NOP53: variants seen among roughly 807,000 people sequenced by gnomAD.
NOP53 encodes the protein ribosome biogenesis protein NOP53.
Under a neutral mutation model 61.0 loss-of-function variants are expected in NOP53, and 40 were observed. The observed-to-expected ratio is 0.66, with a 90% CI of 0.51 to 0.85. The LOEUF is 0.85. Among genes scored for constraint, NOP53 ranks in the 40% least tolerant of loss-of-function variants. NOP53 has a pLI of 0.00. For missense variants in NOP53, 689 were observed against 652.9 expected, an observed-to-expected ratio of 1.06 and a Z score of -0.60; for synonymous variants, 308 against 289.5, an observed-to-expected ratio of 1.06 and a Z score of -0.65.
chr19:47,754,735 G>A lies in NOP53; in HGVS notation c.897G>A (p.Glu299=), dbSNP rs752424378. The part of the protein sequence containing the change: ...TQESTFQELC[E]GLLEESDGEG... ...AGTCCACATTCCAGGAGCTGTGCGA[G>A]GGGCTGCTGGAGGAGTCGGATGGTG... Residue 299 remains glutamate (E), a synonymous_variant, in exon 8 of 13, where the codon GAG becomes GAA. Coordinates refer to ENST00000246802, the MANE Select transcript of NOP53 (RefSeq NM_015710.5). This position sits in a 1 kb window ranked among gnomAD's most constrained non-coding sequence, Gnocchi z 4.2. 10 of 1,529,580 alleles carry A rather than the reference G, an allele frequency of 6.5e-6. No homozygotes were observed. Among genetic ancestry groups the A allele is most frequent in the Non-Finnish European group, 7.1e-6 (8 of 1,134,030 alleles). 94.8% of individuals were successfully genotyped at this position (1,529,580 alleles called of 1,614,324 possible).
Position 47,754,433 on chromosome 19 carries a change from C to T in NOP53, c.766-94C>T, listed in dbSNP as rs531783981. 71 of 979,540 alleles carry T rather than the reference C, an allele frequency of 7.2e-5. No individual in the cohort carries two copies. Among genetic ancestry groups the T allele is most frequent in the South Asian group, 5.2e-4 (35 of 67,296 alleles). The allele number at this position is 979,540 out of a possible 1,614,324, so 60.7% of individuals were successfully genotyped here. A position where few individuals can be genotyped will look rare whatever the true frequency, so the allele number is the denominator to read the frequency against. Reference sequence around the variant, plus strand: ...AAAGCCTGGGCCGGGGCGGGATCCACGGGCACTGGATGAGGGACAGATGGG... The same window carrying T: ...AAAGCCTGGGCCGGGGCGGGATCCATGGGCACTGGATGAGGGACAGATGGG... On this transcript the variant is annotated intron_variant, in intron 6 of 12. Coordinates refer to ENST00000246802, the MANE Select transcript of NOP53 (RefSeq NM_015710.5). This position sits in a 1 kb window ranked among gnomAD's most constrained non-coding sequence, Gnocchi z 4.2.
At chr19:47,752,982 C>G (rs907732444) in intron 6 of NOP53, 1 of 197,642 alleles carries the variant, frequency 5.1e-6, no homozygotes, top group South Asian at 1.2e-4. Context: ...TTCCAGGAAG[C>G]CTGTGGGGCA....
intron 10 of NOP53, chr19:47,756,192 G>A: frequency 5.8e-6 from 3 of 518,260 alleles, no homozygotes; most frequent in Non-Finnish European, 1.0e-5. Context: ...CACACGCCTG[G>A]GCCGACCCGG....
chr19:47,751,233 G>A, intron 4 of NOP53, 126 bp downstream of exon 4: 1 of 887,310 alleles, frequency 1.1e-6, no homozygotes, highest in Non-Finnish European at 1.8e-6. Context: ...TGACCTCCCA[G>A]CAGAGTCGTG....
Position 47,746,817 on chromosome 19 carries a change from C to T in NOP53, c.225-150C>T, listed in dbSNP as rs556614306. The T allele has an allele frequency of 9.4e-6, 6 of 635,548 alleles. No homozygotes were observed. The East Asian group carries it at 1.4e-4, about 15-fold the overall frequency. 39.4% of individuals were successfully genotyped at this position (635,548 alleles called of 1,614,324 possible). A position where few individuals can be genotyped will look rare whatever the true frequency, so the allele number is the denominator to read the frequency against. On this transcript the variant is annotated intron_variant, in intron 1 of 12. Transcript: ENST00000246802. ...TGCGCCTGGCAGTCCTTCCTAAATACTAAGTTCTGTAAACTGCTGGGCGAA... is the reference window on the plus strand; with the variant it reads ...TGCGCCTGGCAGTCCTTCCTAAATATTAAGTTCTGTAAACTGCTGGGCGAA...
At chr19:47,751,294 G>T (rs1239575640) in intron 4 of NOP53, 187 bp downstream of exon 4, 2 of 662,980 alleles carry the variant, frequency 3.0e-6, no homozygotes, top group Non-Finnish European at 5.2e-6. Flanking sequence ...TTCCTGAGTT[G>T]TGAGGCTTCA....
intron 5 of NOP53, 120 bp downstream of exon 5, chr19:47,751,710 G>A (rs1019625458): frequency 5.1e-6 from 4 of 781,650 alleles, no homozygotes; most frequent in Middle Eastern, 3.2e-4. Context: ...CGAGAACTCT[G>A]TGCTGGAGCC....
intron 1 of NOP53, chr19:47,746,388 G>C (rs999324637): frequency 6.6e-6 from 1 of 151,580 alleles, no homozygotes; most frequent in Admixed American, 6.6e-5. Flanking sequence ...TTTTGAGACG[G>C]AGTCTTTCTC....
chr19:47,757,046 C>G lies in NOP53; in HGVS notation c.*41C>G. ...GGAGACTCGCCCTTCAATAAAAAAT[C>G]TCTTCTAGCTGATCAGTGGGCTCCA... On this transcript the variant is annotated 3_prime_UTR_variant, in exon 13 of 13. Transcript: ENST00000246802. 6.3e-7 allele frequency: 1 copy of G among 1,585,978 alleles called. No individual in the cohort carries two copies. The highest frequency in any genetic ancestry group is 8.7e-7 in the Non-Finnish European group (1 of 1,153,582).
intron 1 of NOP53, 31 bp from the exon 2 acceptor site, chr19:47,746,936 C>T: frequency 6.3e-7 from 1 of 1,586,542 alleles, no homozygotes; most frequent in Non-Finnish European, 8.7e-7. Context: ...TCCAACATCT[C>T]TGGCTGATGT....
intron 1 of NOP53, 155 bp from the exon 2 acceptor site, chr19:47,746,812 A>G (rs1375706718): frequency 6.5e-6 from 4 of 611,928 alleles, no homozygotes; most frequent in African/African-American, 1.9e-5. Flanking sequence ...AGTCCTTCCT[A>G]AATACTAAGT....
rs1488003010 is a variant in NOP53 at position 47,752,432 on chromosome 19, G to A, written c.670-80G>A. ...CACCCAACCACTGGCAAGGCCTGGA[G>A]CATCTGCCCCATGGCTGTGTCCTGG... On this transcript the variant is annotated intron_variant, in intron 5 of 12. Coordinates refer to ENST00000246802, the MANE Select transcript of NOP53 (RefSeq NM_015710.5). The A allele has an allele frequency of 3.5e-6, 3 of 859,052 alleles. No individual in the cohort carries two copies. The East Asian group carries it at 7.3e-5, about 21-fold the overall frequency. The allele number at this position is 859,052 out of a possible 1,614,324, so 53.2% of individuals were successfully genotyped here.
chr19:47,748,585 A>G (rs755156999), intron 2 of NOP53, among the ~76,000 whole-genome samples: 4 of 152,010 alleles, frequency 2.6e-5, no homozygotes, highest in Non-Finnish European at 5.9e-5. Context: ...GAGACTTCCA[A>G]TAGGCAGGTA....
chr19:47,745,694 G>A lies in NOP53; in HGVS notation c.135G>A (p.Lys45=). The stretch of plus-strand genomic sequence containing the variant: ...GGCGGCGAGGCCCAAGAAATAAGAA[G>A]CGGGGCTGGCGGCGGCTTGCTCAGG... The part of the protein sequence containing the change: ...RRRRRGPRNK[K]RGWRRLAQEP... Residue 45 remains lysine, a synonymous_variant, in exon 1 of 13, where the codon AAG becomes AAA. Coordinates refer to ENST00000246802, the MANE Select transcript of NOP53 (RefSeq NM_015710.5). 1 of 1,612,482 alleles carries A rather than the reference G, an allele frequency of 6.2e-7. No individual in the cohort carries two copies. The highest frequency in any genetic ancestry group is 2.2e-5 in the East Asian group (1 of 44,836).
chr19:47,751,507 G>A lies in NOP53; in HGVS notation c.599-13G>A, dbSNP rs1178454739. ...TGGGACTGTCCCAGCAGCTCCCCTC[G>A]CTGTATCCACAGACCCCCTGGACAG... On this transcript the variant is annotated splice_polypyrimidine_tract_variant and intron_variant, in intron 4 of 12. Coordinates refer to ENST00000246802, the MANE Select transcript of NOP53 (RefSeq NM_015710.5). 9 of 1,611,266 alleles carry A rather than the reference G, an allele frequency of 5.6e-6. No homozygotes were observed. The East Asian group carries it at 8.9e-5, about 16-fold the overall frequency.
intron 9 of NOP53, 92 bp downstream of exon 9, chr19:47,755,615 ACC>A: frequency 2.3e-6 from 3 of 1,313,852 alleles, no homozygotes; most frequent in Non-Finnish European, 2.1e-6. Context: ...GGAACTGCCC[ACC>A]CCCCCCATCG....
At chr19:47,755,911 A>G (rs1412897059) in intron 10 of NOP53, 89 bp downstream of exon 10, 2 of 1,120,722 alleles carry the variant, frequency 1.8e-6, no homozygotes, top group Admixed American at 1.9e-5. Context: ...GGGCGACACC[A>G]TGGCTGCCCC....
chr19:47,746,001 C>T (rs777070212), intron 1 of NOP53: 1 of 504,424 alleles, frequency 2.0e-6, no homozygotes, highest in South Asian at 3.3e-5. Flanking sequence ...GATAAATATA[C>T]AGGACGCTCA....
intron 1 of NOP53, 198 bp downstream of exon 1, chr19:47,745,981 A>C (rs1460638962): frequency 5.7e-6 from 3 of 523,540 alleles, no homozygotes; most frequent in African/African-American, 2.0e-5. Flanking sequence ...TAGAGTTACC[A>C]GATTTAGCAG....
Sources: gnomAD v4.1 joint callset for allele counts (sites outside exome capture counted in the v4.1 genomes callset) on GRCh38, gnomAD v4.1.1 for gene constraint, Gnocchi (gnomAD v3.1) non-coding constraint, MANE v1.5 for transcripts, NCBI Gene and HGNC (gene_info 2026-07-23, HGNC 2026-07-21) for gene names.